The following NKAPD1 variants were observed in gnomAD, a reference collection of about 807,000 sequenced individuals.
NKAPD1 encodes the protein NKAP domain containing 1, also known as uncharacterized protein NKAPD1.
In NKAPD1, 12 loss-of-function variants were observed where a neutral mutation model predicts 30.9. That is an observed-to-expected ratio of 0.39 (90% CI 0.25 to 0.63). The LOEUF (loss-of-function observed/expected upper bound fraction) is 0.63. Ranked by LOEUF, NKAPD1 falls within the 20% of genes least tolerant of loss-of-function variation. The pLI, the probability that NKAPD1 is intolerant of heterozygous loss-of-function variation, is 0.51. For missense variants in NKAPD1, 311 were observed against 344.5 expected (o/e 0.90, Z 0.77); for synonymous variants, 91 against 113.6 (o/e 0.80, Z 1.26).
At chr11:112,080,597 G>A in intron 4 of NKAPD1, 39 bp downstream of exon 4, 1 of 1,603,414 alleles carries the variant, frequency 6.2e-7, no homozygotes, top group Non-Finnish European at 8.5e-7. Context: ...TATTTGGCCT[G>A]AGAACGTGTA....
chr11:112,085,034 A>T lies in NKAPD1; in HGVS notation c.*2062A>T. Reference sequence around the variant, plus strand: ...GTGTTCCTGCCAATCAGAGATCTCTATATTAAATTCTAAAATGGGATTAAA... The same window carrying T: ...GTGTTCCTGCCAATCAGAGATCTCTTTATTAAATTCTAAAATGGGATTAAA... On this transcript the variant is annotated 3_prime_UTR_variant, in exon 6 of 6. Transcript: ENST00000393047. The T allele has an allele frequency of 3.1e-6, 1 of 321,904 alleles. No homozygotes were observed. The highest frequency in any genetic ancestry group is 5.7e-6 in the Non-Finnish European group (1 of 174,846). 19.9% of individuals were successfully genotyped at this position (321,904 alleles called of 1,614,324 possible). A position where few individuals can be genotyped will look rare whatever the true frequency, so the allele number is the denominator to read the frequency against.
chr11:112,078,099 C>T (rs1865369118), intron 2 of NKAPD1, 116 bp from the exon 3 acceptor site: 1 of 689,042 alleles, frequency 1.5e-6, no homozygotes, highest in South Asian at 1.9e-5. Context: ...CTGCTTTGGC[C>T]TCCCAAAGTG....
At chr11:112,078,046 A>G (rs535202383) in intron 2 of NKAPD1, among the ~76,000 whole-genome samples, 169 bp from the exon 3 acceptor site, 1 of 152,008 alleles carries the variant, frequency 6.6e-6, no homozygotes, top group African/African-American at 2.4e-5. Context: ...GGGTTTCACC[A>G]TGTTGGTCAG....
At chr11:112,075,123 C>G (rs1865287731) in intron 1 of NKAPD1, among the ~76,000 whole-genome samples, 1 of 152,166 alleles carries the variant, frequency 6.6e-6, no homozygotes, top group African/African-American at 2.4e-5. Context: ...CTCAAATCTA[C>G]GTATTTGCTT....
rs1009284073 is a variant in NKAPD1 at position 112,078,379 on chromosome 11, T to TA, written c.170+69dup. The TA allele has an allele frequency of 6.2e-6, 8 of 1,300,418 alleles. No homozygotes were observed. In the Admixed American group the frequency reaches 1.0e-4, roughly 16 times the overall value. 80.6% of individuals were successfully genotyped at this position (1,300,418 alleles called of 1,614,324 possible). A position where few individuals can be genotyped will look rare whatever the true frequency, so the allele number is the denominator to read the frequency against. On this transcript the variant is annotated intron_variant, in intron 3 of 5. Coordinates refer to ENST00000393047, the MANE Select transcript of NKAPD1 (RefSeq NM_018195.4). ...TTTTTCAGAATCATCAACTTTTGTT[T>TA]AAAAATACTTTGGTATATTAAGGAT...
chr11:112,085,123 T>C lies in NKAPD1; in HGVS notation c.*2151T>C. On this transcript the variant is annotated 3_prime_UTR_variant, in exon 6 of 6. Coordinates refer to ENST00000393047, the MANE Select transcript of NKAPD1 (RefSeq NM_018195.4). Reference sequence around the variant, plus strand: ...GTCATACAACCTGGAATTTCTGAATTCCAAATAAATAAATTTCACTCTTTG... The same window carrying C: ...GTCATACAACCTGGAATTTCTGAATCCCAAATAAATAAATTTCACTCTTTG... 4.1e-6 allele frequency: 2 copies of C among 484,772 alleles called. No homozygotes were observed. Among genetic ancestry groups the C allele is most frequent in the Non-Finnish European group, 7.1e-6 (2 of 282,400 alleles). The allele number at this position is 484,772 out of a possible 1,614,324, so 30.0% of individuals were successfully genotyped here. A position where few individuals can be genotyped will look rare whatever the true frequency, so the allele number is the denominator to read the frequency against.
chr11:112,081,755 G>A (rs921538821), intron 4 of NKAPD1: 34 of 474,548 alleles, frequency 7.2e-5, no homozygotes, highest in Non-Finnish European at 3.4e-5. Context: ...GAAAGCAATG[G>A]CAAGTTCTCT....
At chr11:112,082,396 A>G (rs1865472126) in intron 5 of NKAPD1, 69 bp from the exon 6 acceptor site, 1 of 1,304,210 alleles carries the variant, frequency 7.7e-7, no homozygotes, top group African/African-American at 1.5e-5. Flanking sequence ...TTAATCTAGA[A>G]TGCAAAATAT....
At position 112,076,430 on chromosome 11, in the gene NKAPD1, G is replaced by A. The variant is rs183612165; in HGVS notation, c.69+787G>A. Reference sequence around the variant, plus strand: ...CTAATTAGATTATAATGATAAGAATGGAATCTAATTCAGTTGACCCTTGAA... The same window carrying A: ...CTAATTAGATTATAATGATAAGAATAGAATCTAATTCAGTTGACCCTTGAA... On this transcript the variant is annotated intron_variant, in intron 2 of 5. Transcript: ENST00000393047. 8.5e-5 allele frequency among the ~76,000 whole-genome samples: 13 copies of A among 152,188 alleles called. No homozygotes were observed. In the East Asian group the frequency reaches 2.3e-3, roughly 27 times the overall value.
intron 4 of NKAPD1, 90 bp from the exon 5 acceptor site, chr11:112,081,892 T>C (rs1865460906): frequency 1.0e-6 from 1 of 979,532 alleles, no homozygotes; most frequent in Non-Finnish European, 1.6e-6. Context: ...TGTTTGTGTA[T>C]GCATGTACTC....
chr11:112,083,275 A>G lies in NKAPD1; in HGVS notation c.*303A>G, dbSNP rs1423276225. On this transcript the variant is annotated 3_prime_UTR_variant, in exon 6 of 6. Coordinates refer to ENST00000393047, the MANE Select transcript of NKAPD1 (RefSeq NM_018195.4). ...TAAAGGACCCAGAAAGCTGGATCCA[A>G]TAGTGACCTGGGTACACCAATCGGA... 1.9e-5 allele frequency: 4 copies of G among 214,752 alleles called. No homozygotes were observed. Among genetic ancestry groups the G allele is most frequent in the African/African-American group, 6.9e-5 (3 of 43,560 alleles). 13.3% of individuals were successfully genotyped at this position (214,752 alleles called of 1,614,324 possible).
In NKAPD1 at chr11:112,082,600, G is replaced by A; in HGVS notation, c.510G>A (p.Gln170=). ...AGAAAAAAAGGTCACACAAAAAACA[G>A]AAGAAAAGCAAAAAGGAAGCCACAG... ...KKQKKRSHKK[Q]KKSKKEATDI... The change falls in exon 6 of 6, where the codon CAG becomes CAA. Residue 170 remains glutamine (Q), a synonymous_variant. Coordinates refer to ENST00000393047, the MANE Select transcript of NKAPD1 (RefSeq NM_018195.4). The A allele has an allele frequency of 1.2e-6, 2 of 1,613,042 alleles. No individual in the cohort carries two copies. Among genetic ancestry groups the A allele is most frequent in the Non-Finnish European group, 1.7e-6 (2 of 1,179,816 alleles).
At chr11:112,080,345 T>A in intron 3 of NKAPD1, 64 bp from the exon 4 acceptor site, 1 of 1,540,106 alleles carries the variant, frequency 6.5e-7, no homozygotes, top group South Asian at 1.1e-5. Context: ...TTGTGCATGA[T>A]GTTCCATAAA....
chr11:112,079,572 C>T (rs1378763844), intron 3 of NKAPD1, among the ~76,000 whole-genome samples: 1 of 152,180 alleles, frequency 6.6e-6, no homozygotes, highest in Non-Finnish European at 1.5e-5. Context: ...AGACCTTGTT[C>T]CCACTGTTAT....
At position 112,074,657 on chromosome 11, in the gene NKAPD1, C is replaced by T. The variant is rs1455901867; in HGVS notation, c.-268C>T. On this transcript the variant is annotated 5_prime_UTR_variant, in exon 1 of 6. Transcript: ENST00000393047. ...CAGGTCAACCGGGCTGTCCGAATTC[C>T]GCCCCGGCTCAGCCTCCGGCCTCAG... 5.0e-6 allele frequency: 2 copies of T among 396,084 alleles called. No homozygotes were observed. The highest frequency in any genetic ancestry group is 3.6e-5 in the East Asian group (1 of 27,996). The allele number at this position is 396,084 out of a possible 1,614,324, so 24.5% of individuals were successfully genotyped here. A position where few individuals can be genotyped will look rare whatever the true frequency, so the allele number is the denominator to read the frequency against.
chr11:112,075,672 A>T, intron 2 of NKAPD1, 29 bp downstream of exon 2: 2 of 1,600,254 alleles, frequency 1.2e-6, no homozygotes, highest in Non-Finnish European at 1.7e-6. Flanking sequence ...TTACTCCTCA[A>T]CGCTTACTGA....
chr11:112,077,602 AT>A (rs1385051830), intron 2 of NKAPD1, among the ~76,000 whole-genome samples: 1 of 152,192 alleles, frequency 6.6e-6, no homozygotes, highest in Admixed American at 6.5e-5. Flanking sequence ...ATCATATTGC[AT>A]TTTGGAAATG....
intron 1 of NKAPD1, among the ~76,000 whole-genome samples, chr11:112,075,122 A>G (rs572669904): frequency 6.6e-6 from 1 of 152,316 alleles, no homozygotes; most frequent in East Asian, 1.9e-4. Context: ...TCTCAAATCT[A>G]CGTATTTGCT....
chr11:112,075,323 A>C (rs1473550552), intron 1 of NKAPD1, among the ~76,000 whole-genome samples: 1 of 152,212 alleles, frequency 6.6e-6, no homozygotes, highest in African/African-American at 2.4e-5. Flanking sequence ...TCATGAAAGC[A>C]CTTAATTTTA....
Sources: gnomAD v4.1 joint callset for allele counts (sites outside exome capture counted in the v4.1 genomes callset) on GRCh38, gnomAD v4.1.1 for gene constraint, MANE v1.5 for transcripts, NCBI Gene and HGNC (gene_info 2026-07-23, HGNC 2026-07-21) for gene names.